Variants in AGK observed in about 807,000 individuals in gnomAD.
AGK encodes acylglycerol kinase, mitochondrial.
A neutral mutation model predicts 66.4 loss-of-function variants in AGK; 52 were observed. The observed-to-expected ratio is 0.78, with a 90% CI of 0.63 to 0.99. The LOEUF (loss-of-function observed/expected upper bound fraction) is 0.99, where lower values mean the gene tolerates loss of function less well. AGK is among the 50% of genes least tolerant of loss of function. The pLI is 0.00. For synonymous variants in AGK, 182 were observed against 181.1 expected, an observed-to-expected ratio of 1.00 and a Z score of -0.04; for missense variants, 451 against 506.6, an observed-to-expected ratio of 0.89 and a Z score of 1.05.
At chr7:141,586,905 C>T (rs908383412) in intron 2 of AGK, among the ~76,000 whole-genome samples, 39 of 152,178 alleles carry the variant, frequency 2.6e-4, no homozygotes, top group African/African-American at 8.9e-4. Context: ...TCCTACTTTT[C>T]ACCCTACTCG....
chr7:141,595,564 C>G (rs1320380061), intron 3 of AGK, among the ~76,000 whole-genome samples: 1 of 152,100 alleles, frequency 6.6e-6, no homozygotes, highest in Non-Finnish European at 1.5e-5. Context: ...GTAAGTTATT[C>G]AATAAAAAAT....
intron 3 of AGK, 43 bp from the exon 4 acceptor site, chr7:141,596,519 A>G (rs371909568): frequency 6.4e-7 from 1 of 1,551,182 alleles, no homozygotes. Context: ...CATTTACCAA[A>G]TAAATGGACT....
chr7:141,643,990 G>A (rs1283472688), intron 13 of AGK, among the ~76,000 whole-genome samples: 1 of 151,642 alleles, frequency 6.6e-6, no homozygotes, highest in Non-Finnish European at 1.5e-5. Flanking sequence ...TGTATTTCTA[G>A]GAATTTATCC....
chr7:141,553,493 G>T (rs948309651), intron 1 of AGK, among the ~76,000 whole-genome samples: 1 of 152,146 alleles, frequency 6.6e-6, no homozygotes, highest in Non-Finnish European at 1.5e-5. Context: ...CTGACTCCTC[G>T]ACATTTATCC....
intron 2 of AGK, chr7:141,562,218 G>C (rs1325888082): frequency 4.4e-6 from 2 of 454,244 alleles, no homozygotes; most frequent in Non-Finnish European, 8.8e-6. Context: ...AGTGGTATTA[G>C]CTGTTGTTTT....
intron 10 of AGK, among the ~76,000 whole-genome samples, chr7:141,635,143 A>G (rs1410392291): frequency 2.0e-5 from 3 of 152,192 alleles, no homozygotes; most frequent in African/African-American, 7.2e-5. Flanking sequence ...CACAGTACAG[A>G]TCAACGCTTT....
In AGK at chr7:141,653,078, C is replaced by T. The variant is rs1363771767; in HGVS notation, c.*154C>T. The T allele has an allele frequency of 8.7e-6, 7 of 808,230 alleles. No homozygotes were observed. In the African/African-American group the frequency reaches 1.2e-4, roughly 14 times the overall value. 50.1% of individuals were successfully genotyped at this position (808,230 alleles called of 1,614,324 possible). ...CTGCCCCCACTCCAGCAGTGCTTCCCAAAGTGTGCTCTGTCACCTGCTTTG... is the reference window on the plus strand; with the variant it reads ...CTGCCCCCACTCCAGCAGTGCTTCCTAAAGTGTGCTCTGTCACCTGCTTTG... On this transcript the variant is annotated 3_prime_UTR_variant, in exon 16 of 16. Coordinates refer to ENST00000649286, the MANE Select transcript of AGK (RefSeq NM_018238.4).
intron 9 of AGK, among the ~76,000 whole-genome samples, chr7:141,626,735 C>T (rs1796946597): frequency 6.6e-6 from 1 of 152,044 alleles, no homozygotes; most frequent in Non-Finnish European, 1.5e-5. Flanking sequence ...ACAGTCTGTT[C>T]AGGATTAAGG....
At chr7:141,641,638 G>A (rs1267929963) in intron 12 of AGK, among the ~76,000 whole-genome samples, 173 bp from the exon 13 acceptor site, 4 of 152,158 alleles carry the variant, frequency 2.6e-5, no homozygotes, top group Admixed American at 2.6e-4. Flanking sequence ...GATGTTTTAG[G>A]CACAGAGATG....
intron 14 of AGK, chr7:141,650,488 A>G: frequency 2.0e-6 from 2 of 985,316 alleles, no homozygotes; most frequent in Non-Finnish European, 2.4e-6. Context: ...GAAATCAAGT[A>G]ATGTCTGTTT....
Position 141,649,266 on chromosome 7 carries a change from A to T in AGK, c.979A>T (p.Lys327Ter), listed in dbSNP as rs2117028700. 6.2e-7 allele frequency: 1 copy of T among 1,613,042 alleles called. No individual in the cohort carries two copies. Among genetic ancestry groups the T allele is most frequent in the South Asian group, 1.1e-5 (1 of 91,036 alleles). The part of the protein sequence containing the change: ...TRNNQLDPTS[K>*]EDFLNICIEP... Reference sequence around the variant, plus strand: ...TTAGTGTTCTTAACCTTTTTAGAGCAAAGAAGATTTTCTGAATATCTGCAT... The same window carrying T: ...TTAGTGTTCTTAACCTTTTTAGAGCTAAGAAGATTTTCTGAATATCTGCAT... Residue 327 changes from lysine to a stop codon, truncating the protein, a stop_gained, in exon 14 of 16, where the codon AAA (lysine) becomes TAA (stop). Transcript: ENST00000649286. LOFTEE classifies it high-confidence loss of function.
intron 13 of AGK, among the ~76,000 whole-genome samples, chr7:141,647,277 T>C (rs750048203): frequency 2.6e-5 from 4 of 152,140 alleles, no homozygotes; most frequent in Admixed American, 6.5e-5. Context: ...CATATTTCCC[T>C]CCTTAGAACC....
At chr7:141,569,066 A>C (rs951759802) in intron 2 of AGK, among the ~76,000 whole-genome samples, 1 of 152,222 alleles carries the variant, frequency 6.6e-6, no homozygotes. Flanking sequence ...TCTTTCTCCA[A>C]ACATAGGAAC....
At chr7:141,650,467 C>T (rs1797528770) in intron 14 of AGK, 37 of 982,390 alleles carry the variant, frequency 3.8e-5, no homozygotes, top group Non-Finnish European at 4.5e-5. Context: ...CTTCTGTTCT[C>T]TACAGGAAGT....
At chr7:141,641,134 A>G in intron 11 of AGK, 114 bp from the exon 12 acceptor site, 1 of 900,032 alleles carries the variant, frequency 1.1e-6, no homozygotes, top group Non-Finnish European at 1.7e-6. Context: ...AGAGGAGATT[A>G]TTAGTTCACT....
At chr7:141,645,856 T>A (rs1408780098) in intron 13 of AGK, among the ~76,000 whole-genome samples, 2 of 152,202 alleles carry the variant, frequency 1.3e-5, no homozygotes, top group African/African-American at 4.8e-5. Flanking sequence ...TTTTTGAATG[T>A]TAATGTGAGA....
intron 11 of AGK, among the ~76,000 whole-genome samples, chr7:141,640,932 A>G (rs947547948): frequency 2.6e-5 from 4 of 152,188 alleles, no homozygotes; most frequent in African/African-American, 9.7e-5. Context: ...CTGTAAGCCA[A>G]AGATAAATTT....
intron 1 of AGK, among the ~76,000 whole-genome samples, chr7:141,554,595 C>G (rs886131006): frequency 2.0e-5 from 3 of 152,132 alleles, no homozygotes; most frequent in Non-Finnish European, 4.4e-5. Context: ...TTACTTTAGG[C>G]ATGGGATACA....
intron 1 of AGK, among the ~76,000 whole-genome samples, chr7:141,552,407 C>G (rs1795112369): frequency 6.6e-6 from 1 of 152,222 alleles, no homozygotes; most frequent in African/African-American, 2.4e-5. Context: ...CACTGTTTCT[C>G]AAAGTCTGGT....
Sources: gnomAD v4.1 joint callset for allele counts (sites outside exome capture counted in the v4.1 genomes callset) on GRCh38, gnomAD v4.1.1 for gene constraint, MANE v1.5 for transcripts, NCBI Gene and HGNC (gene_info 2026-07-23, HGNC 2026-07-21) for gene names.